The following MYBPC1 variants were observed in gnomAD, a reference collection of about 807,000 sequenced individuals.
MYBPC1 encodes the protein myosin-binding protein C, slow-type.
Under a neutral mutation model 147.1 loss-of-function variants are expected in MYBPC1, and 52 were observed. That is an observed-to-expected ratio of 0.35 (90% CI 0.28 to 0.45). MYBPC1 has a LOEUF of 0.45. MYBPC1 is among the 20% of genes least tolerant of loss of function. The probability of loss-of-function intolerance (pLI) is 1.00; values close to 1 mark genes in which losing one functional copy is unlikely to be tolerated. For missense variants in MYBPC1, 1,228 were observed against 1,440.3 expected, an observed-to-expected ratio of 0.85 and a Z score of 2.39; for synonymous variants, 477 against 475.9, an observed-to-expected ratio of 1.00 and a Z score of -0.03.
chr12:101,615,991 C>T (rs1321468419), intron 2 of MYBPC1, among the ~76,000 whole-genome samples: 2 of 151,612 alleles, frequency 1.3e-5, no homozygotes, highest in Non-Finnish European at 1.5e-5. Flanking sequence ...GCCTCAAACT[C>T]TTGGGCGCAA....
At chr12:101,609,815 C>A (rs1883609669) in intron 1 of MYBPC1, among the ~76,000 whole-genome samples, 1 of 152,140 alleles carries the variant, frequency 6.6e-6, no homozygotes, top group Non-Finnish European at 1.5e-5. Flanking sequence ...ACTTTTATAA[C>A]CTCTTTGACC....
chr12:101,624,419 G>A (rs976250750), intron 3 of MYBPC1, among the ~76,000 whole-genome samples: 1 of 152,114 alleles, frequency 6.6e-6, no homozygotes. Context: ...TCCTGGGCAT[G>A]TATTTCCTGT....
intron 11 of MYBPC1, among the ~76,000 whole-genome samples, chr12:101,643,102 G>A (rs567769817): frequency 6.6e-6 from 1 of 152,128 alleles, no homozygotes; most frequent in East Asian, 1.9e-4. Flanking sequence ...TACATTTTAC[G>A]CTGACCATTA....
At chr12:101,672,713 G>T (rs1331057811) in intron 24 of MYBPC1, among the ~76,000 whole-genome samples, 2 of 152,104 alleles carry the variant, frequency 1.3e-5, no homozygotes, top group African/African-American at 4.8e-5. Flanking sequence ...GCCAAGCATG[G>T]TGGTGCGTGC....
intron 11 of MYBPC1, 127 bp downstream of exon 11, chr12:101,642,712 C>A: frequency 9.9e-7 from 1 of 1,013,560 alleles, no homozygotes; most frequent in Non-Finnish European, 1.5e-6. Flanking sequence ...GGTAGGAGTG[C>A]AGGGGTTACG....
intron 9 of MYBPC1, among the ~76,000 whole-genome samples, chr12:101,634,895 C>A (rs563143841): frequency 6.6e-6 from 1 of 152,286 alleles, no homozygotes; most frequent in East Asian, 1.9e-4. Context: ...GTAGCTTCCT[C>A]CTTAAAGCAT....
At chr12:101,673,005 G>A (rs770474008) in intron 24 of MYBPC1, among the ~76,000 whole-genome samples, 6 of 152,172 alleles carry the variant, frequency 3.9e-5, no homozygotes, top group Non-Finnish European at 8.8e-5. Flanking sequence ...TCACACAGAC[G>A]TTAAGTGGTC....
At chr12:101,685,080 C>A (rs1951273128) in intron 31 of MYBPC1, among the ~76,000 whole-genome samples, 1 of 152,056 alleles carries the variant, frequency 6.6e-6, no homozygotes, top group African/African-American at 2.4e-5. Flanking sequence ...AATTTTTGTG[C>A]TTTTGACATG....
At chr12:101,674,533 C>T (rs1430922462) in intron 25 of MYBPC1, among the ~76,000 whole-genome samples, 1 of 152,056 alleles carries the variant, frequency 6.6e-6, no homozygotes, top group Non-Finnish European at 1.5e-5. Context: ...TGTGGATAGA[C>T]TCCTCTCACT....
chr12:101,636,832 T>C (rs1891081293), intron 10 of MYBPC1, 104 bp downstream of exon 10: 1 of 941,856 alleles, frequency 1.1e-6, no homozygotes, highest in Admixed American at 1.9e-5. Context: ...GAATTTTTCA[T>C]TTCTGAAAAT....
chr12:101,643,742 T>G (rs1488660270), intron 11 of MYBPC1, among the ~76,000 whole-genome samples: 1 of 151,794 alleles, frequency 6.6e-6, no homozygotes, highest in Non-Finnish European at 1.5e-5. Flanking sequence ...AAAGACAACT[T>G]TTTTTTTAAT....
chr12:101,595,223 G>C (rs1038494178), intron 1 of MYBPC1, 128 bp downstream of exon 1: 1 of 874,656 alleles, frequency 1.1e-6, no homozygotes, highest in Non-Finnish European at 1.8e-6. Context: ...TTAAGGAAAC[G>C]ATCTTTTAGA....
At chr12:101,653,340 G>A (rs1894912625) in intron 18 of MYBPC1, 92 bp downstream of exon 18, 1 of 1,502,914 alleles carries the variant, frequency 6.7e-7, no homozygotes, top group South Asian at 1.2e-5. Flanking sequence ...TTCAGATGAA[G>A]GTAGAAAACA....
chr12:101,668,921 T>A (rs1442137036), intron 23 of MYBPC1, among the ~76,000 whole-genome samples: 2 of 152,014 alleles, frequency 1.3e-5, no homozygotes, highest in Non-Finnish European at 2.9e-5. Flanking sequence ...ACCACGTCTT[T>A]ACTAAAAATA....
chr12:101,627,697 G>A (rs1373321455), intron 4 of MYBPC1, 72 bp from the exon 5 acceptor site: 2 of 1,535,714 alleles, frequency 1.3e-6, no homozygotes, highest in South Asian at 2.2e-5. Context: ...AATCCAAGAA[G>A]GTTGAAGTCA....
At chr12:101,634,522 T>C in intron 8 of MYBPC1, 32 bp from the exon 9 acceptor site, 1 of 1,546,858 alleles carries the variant, frequency 6.5e-7, no homozygotes, top group Non-Finnish European at 8.9e-7. Flanking sequence ...CCTTAATGGG[T>C]ATTTATGTTA....
intron 25 of MYBPC1, 27 bp downstream of exon 25, chr12:101,673,649 G>T (rs1455054188): frequency 6.2e-7 from 1 of 1,613,116 alleles, no homozygotes; most frequent in Non-Finnish European, 8.5e-7. Flanking sequence ...GAGCCAGAAA[G>T]TTCTGTCAAA....
rs754364333 is a variant in MYBPC1 at position 101,631,717 on chromosome 12, C to T, written c.436C>T (p.Arg146Trp). 10 of 1,613,870 alleles carry T rather than the reference C, an allele frequency of 6.2e-6. No individual in the cohort carries two copies. Among genetic ancestry groups the T allele is most frequent in the Non-Finnish European group, 6.8e-6 (8 of 1,180,028 alleles). ...GAAGGAAACCTTTGAGAGGCACAGT[C>T]GGGTAAGGCCCTGAACTCCCAGGAC... ...QLKETFERHS[R>W]VYTFEMQIIK... The change falls in exon 7 of 32, where the codon CGG (arginine) becomes TGG (tryptophan). Residue 146 changes from arginine to tryptophan, a missense_variant and splice_region_variant. Transcript: ENST00000361466.
chr12:101,671,703 C>T (rs1468860167), intron 24 of MYBPC1, among the ~76,000 whole-genome samples: 1 of 152,186 alleles, frequency 6.6e-6, no homozygotes, highest in Non-Finnish European at 1.5e-5. Flanking sequence ...CCACATCGTT[C>T]CTGCCACCAC....
Sources: gnomAD v4.1 joint callset for allele counts (sites outside exome capture counted in the v4.1 genomes callset) on GRCh38, gnomAD v4.1.1 for gene constraint, MANE v1.5 for transcripts, NCBI Gene and HGNC (gene_info 2026-07-23, HGNC 2026-07-21) for gene names.